Variants in APP observed in about 807,000 individuals in gnomAD.
APP encodes the protein amyloid-beta precursor protein.
Under a neutral mutation model 101.4 loss-of-function variants are expected in APP, and 31 were observed. That is an observed-to-expected ratio of 0.31 (90% CI 0.23 to 0.41). The LOEUF (loss-of-function observed/expected upper bound fraction) is 0.41. Among genes scored for constraint, APP ranks in the 10% least tolerant of loss-of-function variants. APP has a pLI of 1.00. For missense variants in APP, 839 were observed against 1,003.7 expected, an observed-to-expected ratio of 0.84 and a Z score of 2.22; for synonymous variants, 366 against 364.4, an observed-to-expected ratio of 1.00 and a Z score of -0.05.
chr21:25,894,274 T>G (rs1479626689), intron 16 of APP, among the ~76,000 whole-genome samples: 1 of 152,212 alleles, frequency 6.6e-6, no homozygotes, highest in Non-Finnish European at 1.5e-5. Flanking sequence ...AGCCTGTGGA[T>G]CAACTTTCAA....
At chr21:26,081,126 A>G (rs902144019) in intron 3 of APP, among the ~76,000 whole-genome samples, 5 of 152,202 alleles carry the variant, frequency 3.3e-5, no homozygotes, top group Non-Finnish European at 5.9e-5. Context: ...TCACACAACT[A>G]TTCACTTATG....
intron 13 of APP, among the ~76,000 whole-genome samples, chr21:25,919,736 C>A (rs2039534652): frequency 2.1e-5 from 1 of 47,538 alleles, no homozygotes; most frequent in Non-Finnish European, 3.5e-5. Flanking sequence ...GTGAAAAGAC[C>A]AAATCTACGT....
intron 6 of APP, among the ~76,000 whole-genome samples, chr21:26,010,624 A>C (rs2043749549): frequency 6.6e-6 from 1 of 151,866 alleles, no homozygotes; most frequent in Non-Finnish European, 1.5e-5. Context: ...AGCCTGGCTA[A>C]CATGGTGAAA....
chr21:26,032,927 T>C (rs891617393), intron 5 of APP, among the ~76,000 whole-genome samples: 1 of 152,078 alleles, frequency 6.6e-6, no homozygotes, highest in Non-Finnish European at 1.5e-5. Flanking sequence ...AAACAGTGTT[T>C]TCAGTGAAGT....
At chr21:25,897,037 C>T (rs1436711051) in intron 16 of APP, among the ~76,000 whole-genome samples, 3 of 152,108 alleles carry the variant, frequency 2.0e-5, no homozygotes, top group Non-Finnish European at 4.4e-5. Context: ...AAAGTGGCTG[C>T]TATATTGAAA....
At chr21:26,164,323 C>T (rs1196853079) in intron 1 of APP, among the ~76,000 whole-genome samples, 3 of 152,326 alleles carry the variant, frequency 2.0e-5, no homozygotes, top group East Asian at 1.9e-4. Flanking sequence ...AAGCAATCTG[C>T]TTTTTGGTTT....
At chr21:26,159,820 C>T (rs1025128123) in intron 1 of APP, among the ~76,000 whole-genome samples, 7 of 152,212 alleles carry the variant, frequency 4.6e-5, no homozygotes, top group Non-Finnish European at 1.0e-4. Context: ...TGCTTCCCAT[C>T]TGTGTCCCTA....
intron 14 of APP, among the ~76,000 whole-genome samples, chr21:25,909,673 C>T (rs753995832): frequency 3.3e-5 from 5 of 152,118 alleles, no homozygotes; most frequent in Non-Finnish European, 5.9e-5. Context: ...GCAAATTTAG[C>T]GTGCATTCAA....
intron 13 of APP, among the ~76,000 whole-genome samples, chr21:25,932,426 C>A (rs1297123688): frequency 7.2e-5 from 11 of 152,294 alleles, no homozygotes; most frequent in Admixed American, 2.0e-4. Context: ...TGGACTATTT[C>A]CCACCCGGCC....
At position 25,975,165 on chromosome 21, in the gene APP, C is replaced by T; in HGVS notation, c.1363G>A (p.Glu455Lys). 1 of 1,614,136 alleles carries T rather than the reference C, an allele frequency of 6.2e-7. No homozygotes were observed. The highest frequency in any genetic ancestry group is 1.6e-4 in the Middle Eastern group (1 of 6,062). The change falls in exon 11 of 18, where the codon GAG becomes AAG. Residue 455 changes from glutamate (E) to lysine (K), a missense_variant. Physicochemically the swap from Glu to Lys is moderately conservative, Grantham distance 56 (BLOSUM62 1). Transcript: ENST00000346798. Reference sequence around the variant, plus strand: ...GCTTCCACTCTGGCCATGTGTGTCTCCACCAGCTGCTGTCTCTCGTTGGCT... The same window carrying T: ...GCTTCCACTCTGGCCATGTGTGTCTTCACCAGCTGCTGTCTCTCGTTGGCT... The part of the protein sequence containing the change: ...EAANERQQLV[E>K]THMARVEAML...
chr21:26,045,971 G>A (rs1366660376), intron 5 of APP, among the ~76,000 whole-genome samples: 1 of 152,146 alleles, frequency 6.6e-6, no homozygotes, highest in East Asian at 1.9e-4. Context: ...AGCAAGTCAT[G>A]TCTTACATGT....
chr21:25,984,780 G>A (rs2042575542), intron 8 of APP, among the ~76,000 whole-genome samples: 1 of 151,604 alleles, frequency 6.6e-6, no homozygotes, highest in Non-Finnish European at 1.5e-5. Flanking sequence ...AAATAAAACA[G>A]TAACATTCTT....
chr21:26,049,685 T>C (rs45478799), intron 5 of APP, among the ~76,000 whole-genome samples: 180 of 152,198 alleles, frequency 1.2e-3, no homozygotes, highest in African/African-American at 3.9e-3. Context: ...GTTTAGAAAA[T>C]GTGAAGGGTT....
intron 13 of APP, among the ~76,000 whole-genome samples, chr21:25,920,526 G>A (rs887904349): frequency 8.6e-5 from 13 of 151,988 alleles, no homozygotes; most frequent in Non-Finnish European, 1.3e-4. Flanking sequence ...TAAAAGGATG[G>A]AGGAAGATCT....
At chr21:26,121,336 T>C (rs2146238493) in intron 1 of APP, among the ~76,000 whole-genome samples, 1 of 152,320 alleles carries the variant, frequency 6.6e-6, no homozygotes, top group East Asian at 1.9e-4. Context: ...AGTTAGGATA[T>C]TGCCAGGTTA....
At position 25,954,963 on chromosome 21, in the gene APP, TG is replaced by T. The variant is rs1255862823; in HGVS notation, c.1588-275del. Among the ~76,000 whole-genome samples, 8 of 143,484 alleles carry T rather than the reference TG, an allele frequency of 5.6e-5. No homozygotes were observed. In the South Asian group the frequency reaches 1.4e-3, roughly 24 times the overall value. 94.1% of individuals were successfully genotyped at this position (143,484 alleles called of 152,430 possible). On this transcript the variant is annotated intron_variant, in intron 12 of 17. Transcript: ENST00000346798. ...TGAGCTCAGGTTTAAGACTTGATCT[TG>T]AAACTTACCATTATCTTGTATGCTT...
chr21:25,954,488 C>T, intron 13 of APP, 102 bp downstream of exon 13: 1 of 1,046,100 alleles, frequency 9.6e-7, no homozygotes, highest in Admixed American at 2.0e-5. Context: ...GCAAGCTGTT[C>T]TATTAACTTC....
rs12626523 is a variant in APP at position 26,052,619 on chromosome 21, C to G, written c.468+617G>C. ...TTAACCAAGTGCTCGGTCAGACTCACCCTGTGGAAAAATCAAGATGGTAGG... is the reference window on the plus strand; with the variant it reads ...TTAACCAAGTGCTCGGTCAGACTCAGCCTGTGGAAAAATCAAGATGGTAGG... On this transcript the variant is annotated intron_variant, in intron 4 of 17. Transcript: ENST00000346798. Among the ~76,000 whole-genome samples the G allele has an allele frequency of 1.0e-3, 154 of 152,276 alleles. 2 individuals carry two copies. In the East Asian group the frequency reaches 0.017, roughly 17 times the overall value.
At chr21:25,934,294 T>A (rs1601446862) in intron 13 of APP, 1 of 152,342 alleles carries the variant, frequency 6.6e-6, no homozygotes, top group South Asian at 2.1e-4. Flanking sequence ...TGAGAGTATA[T>A]TTCTGTTGGT....
Sources: gnomAD v4.1 joint callset for allele counts (sites outside exome capture counted in the v4.1 genomes callset) on GRCh38, gnomAD v4.1.1 for gene constraint, MANE v1.5 for transcripts, NCBI Gene and HGNC (gene_info 2026-07-23, HGNC 2026-07-21) for gene names.